The following KCNH7 variants were observed in gnomAD, a reference collection of about 807,000 sequenced individuals.
KCNH7 encodes the protein potassium voltage-gated channel subfamily H member 7, also known as voltage-gated inwardly rectifying potassium channel KCNH7.
In KCNH7, 49 loss-of-function variants were observed where a neutral mutation model predicts 120.8. The ratio of observed to expected loss-of-function variants is 0.41; its 90% CI spans 0.32 to 0.51. The LOEUF is 0.51. Among genes scored for constraint, KCNH7 ranks in the 20% least tolerant of loss-of-function variants. The probability of loss-of-function intolerance (pLI) is 0.38; values close to 1 mark genes in which losing one functional copy is unlikely to be tolerated. For synonymous variants in KCNH7, 547 were observed against 516.1 expected, an observed-to-expected ratio of 1.06 and a Z score of -0.81; for missense variants, 1,097 against 1,446.6, an observed-to-expected ratio of 0.76 and a Z score of 3.92.
chr2:162,500,481 G>A (rs904636459), intron 6 of KCNH7, among the ~76,000 whole-genome samples: 62 of 151,594 alleles, frequency 4.1e-4, no homozygotes, highest in Middle Eastern at 3.2e-3. Context: ...TGTTGAAGAA[G>A]ATGACTCTAA....
intron 3 of KCNH7, among the ~76,000 whole-genome samples, chr2:162,530,645 A>T (rs1691890794): frequency 2.0e-5 from 3 of 152,038 alleles, no homozygotes; most frequent in African/African-American, 7.2e-5. Context: ...GTTACAATGT[A>T]GGTTTTGAAG....
chr2:162,503,978 T>C (rs531135124), intron 6 of KCNH7, among the ~76,000 whole-genome samples: 1 of 152,050 alleles, frequency 6.6e-6, no homozygotes, highest in Non-Finnish European at 1.5e-5. Flanking sequence ...CTTTTCATCA[T>C]CTCAGACAGC....
At chr2:162,622,619 C>A (rs569841704) in intron 2 of KCNH7, among the ~76,000 whole-genome samples, 14 of 152,206 alleles carry the variant, frequency 9.2e-5, no homozygotes, top group African/African-American at 3.4e-4. Context: ...GAATTTTCTT[C>A]TAGGTCCAAA....
At chr2:162,816,049 G>A (rs898345530) in intron 2 of KCNH7, among the ~76,000 whole-genome samples, 6 of 151,896 alleles carry the variant, frequency 4.0e-5, no homozygotes, top group African/African-American at 9.6e-5. Context: ...ACCTGAGGTC[G>A]GGAGTTCGAG....
At chr2:162,545,615 T>C (rs779727379) in intron 2 of KCNH7, among the ~76,000 whole-genome samples, 1 of 152,202 alleles carries the variant, frequency 6.6e-6, no homozygotes, top group Non-Finnish European at 1.5e-5. Flanking sequence ...CATATTTGAT[T>C]ACATATCTTG....
chr2:162,577,529 C>T (rs1449988138), intron 2 of KCNH7, among the ~76,000 whole-genome samples: 1 of 151,904 alleles, frequency 6.6e-6, no homozygotes, highest in Non-Finnish European at 1.5e-5. Context: ...GATCTTGGAA[C>T]AAAATTATTT....
intron 2 of KCNH7, among the ~76,000 whole-genome samples, chr2:162,619,710 C>A (rs1423875164): frequency 6.6e-6 from 1 of 152,014 alleles, no homozygotes; most frequent in African/African-American, 2.4e-5. Context: ...AAACTAAATA[C>A]CTTGTTGACA....
chr2:162,682,674 T>A (rs1474265128), intron 2 of KCNH7, among the ~76,000 whole-genome samples: 1 of 151,846 alleles, frequency 6.6e-6, no homozygotes, highest in African/African-American at 2.4e-5. Context: ...GATTTTACTT[T>A]CTTTATGCTT....
chr2:162,833,631 T>G (rs1009779011), intron 2 of KCNH7, among the ~76,000 whole-genome samples: 1 of 152,146 alleles, frequency 6.6e-6, no homozygotes, highest in Non-Finnish European at 1.5e-5. Flanking sequence ...AAAATTGATA[T>G]TCTGATAAAC....
intron 2 of KCNH7, chr2:162,796,791 G>A (rs1200986144): frequency 1.3e-5 from 2 of 151,760 alleles, no homozygotes; most frequent in African/African-American, 4.8e-5. Context: ...ATTCATATTT[G>A]TTTGTTGGCC....
intron 2 of KCNH7, among the ~76,000 whole-genome samples, chr2:162,538,990 G>C (rs1692206820): frequency 6.6e-6 from 1 of 152,028 alleles, no homozygotes; most frequent in Admixed American, 6.6e-5. Flanking sequence ...TGTGGCAATG[G>C]TTTTACAGAT....
chr2:162,441,981 A>ATTAAATAG (rs2105541617), intron 7 of KCNH7, among the ~76,000 whole-genome samples: 1 of 142,528 alleles, frequency 7.0e-6, no homozygotes, highest in Admixed American at 7.0e-5. Flanking sequence ...TGAGAAAAAA[A>ATTAAATAG]TTAAATAGTT....
intron 2 of KCNH7, among the ~76,000 whole-genome samples, chr2:162,615,165 C>T (rs1052398066): frequency 2.0e-5 from 3 of 152,154 alleles, no homozygotes; most frequent in Non-Finnish European, 2.9e-5. Context: ...GCCCTGAGTA[C>T]TACCTCTGCA....
intron 6 of KCNH7, among the ~76,000 whole-genome samples, chr2:162,477,892 A>G (rs1339562942): frequency 1.3e-5 from 2 of 152,078 alleles, no homozygotes; most frequent in Non-Finnish European, 2.9e-5. Context: ...TTGAGCAGAC[A>G]CTGGGAAAAC....
At chr2:162,517,547 C>G (rs956969326) in intron 4 of KCNH7, among the ~76,000 whole-genome samples, 183 bp downstream of exon 4, 2 of 151,918 alleles carry the variant, frequency 1.3e-5, no homozygotes, top group Admixed American at 1.3e-4. Context: ...CACTAAATTA[C>G]TCACAAGGGT....
chr2:162,447,896 C>T lies in KCNH7; in HGVS notation c.1129-1453G>A, dbSNP rs191357648. Among the ~76,000 whole-genome samples the T allele has an allele frequency of 3.8e-3, 581 of 152,040 alleles. 10 individuals are homozygous for T. The highest frequency in any genetic ancestry group is 0.013 in the African/African-American group (540 of 41,520). On this transcript the variant is annotated intron_variant, in intron 6 of 15. Transcript: ENST00000332142. Reference sequence around the variant, plus strand: ...CTTTTAAATATAACAAAAGATTCAGCTAAAATAGGCAAAGCTGCTTTTTGA... The same window carrying T: ...CTTTTAAATATAACAAAAGATTCAGTTAAAATAGGCAAAGCTGCTTTTTGA...
chr2:162,447,960 TAAAG>T (rs904165412), intron 6 of KCNH7, among the ~76,000 whole-genome samples: 1 of 152,082 alleles, frequency 6.6e-6, no homozygotes, highest in Non-Finnish European at 1.5e-5. Flanking sequence ...CAAAAAATAA[TAAAG>T]AATCTGACCT....
chr2:162,494,929 T>C (rs1223672697), intron 6 of KCNH7, among the ~76,000 whole-genome samples: 1 of 152,164 alleles, frequency 6.6e-6, no homozygotes, highest in Non-Finnish European at 1.5e-5. Context: ...ACTTAAAATG[T>C]TGTTGATCCT....
intron 2 of KCNH7, among the ~76,000 whole-genome samples, chr2:162,694,346 T>TTAA (rs1488644087): frequency 6.6e-6 from 1 of 152,128 alleles, no homozygotes; most frequent in Non-Finnish European, 1.5e-5. Context: ...CTCAGACTGT[T>TTAA]CTCCTCTACC....
Sources: gnomAD v4.1 joint callset for allele counts (sites outside exome capture counted in the v4.1 genomes callset) on GRCh38, gnomAD v4.1.1 for gene constraint, MANE v1.5 for transcripts, NCBI Gene and HGNC (gene_info 2026-07-23, HGNC 2026-07-21) for gene names.